Variants in SH3RF3 observed in about 807,000 individuals in gnomAD.
SH3RF3 encodes the protein SH3 domain containing ring finger 3.
In SH3RF3, 29 loss-of-function variants were observed where a neutral mutation model predicts 66.3. The ratio of observed to expected loss-of-function variants is 0.44; its 90% CI spans 0.33 to 0.60. The LOEUF (loss-of-function observed/expected upper bound fraction) is 0.60. Ranked by LOEUF, SH3RF3 falls within the 20% of genes least tolerant of loss-of-function variation. The probability of loss-of-function intolerance (pLI) is 0.04; values close to 1 mark genes in which losing one functional copy is unlikely to be tolerated. For synonymous variants in SH3RF3, 583 were observed against 532.0 expected (o/e 1.10, Z -1.32); for missense variants, 1,194 against 1,190.9 (o/e 1.00, Z -0.04).
chr2:109,441,835 A>T (rs964399914), intron 7 of SH3RF3, among the ~76,000 whole-genome samples: 3 of 152,226 alleles, frequency 2.0e-5, no homozygotes, highest in Admixed American at 6.5e-5. Context: ...ATAGAAAAAA[A>T]GATAAGGGTA....
chr2:109,224,888 A>G (rs777234334), intron 1 of SH3RF3, among the ~76,000 whole-genome samples: 1 of 152,198 alleles, frequency 6.6e-6, no homozygotes, highest in Non-Finnish European at 1.5e-5. Context: ...ATTCTAGTCA[A>G]TTAAAACTGA....
chr2:109,274,041 C>T (rs1169128331), intron 1 of SH3RF3, among the ~76,000 whole-genome samples: 1 of 152,162 alleles, frequency 6.6e-6, no homozygotes, highest in East Asian at 1.9e-4. Flanking sequence ...AATATTACCT[C>T]CTATGTGTGA....
rs140337952 is a variant in SH3RF3 at position 109,482,837 on chromosome 2, G to A, written c.2149-7768G>A. ...CGTCTTCCACCAAAAACAAGCTAGA[G>A]AAGCACAATAGCTCAGCACTTCACT... On this transcript the variant is annotated intron_variant, in intron 8 of 9. Transcript: ENST00000309415. Among the ~76,000 whole-genome samples the A allele has an allele frequency of 1.8e-3, 267 of 152,254 alleles. 2 individuals carry two copies. The highest frequency in any genetic ancestry group is 5.7e-3 in the African/African-American group (238 of 41,588).
chr2:109,413,128 T>A (rs1022973585), intron 4 of SH3RF3, among the ~76,000 whole-genome samples: 60 of 152,286 alleles, frequency 3.9e-4, no homozygotes, highest in Non-Finnish European at 1.3e-4. Context: ...ATATATATAT[T>A]TTTTGAGATA....
intron 1 of SH3RF3, among the ~76,000 whole-genome samples, chr2:109,273,604 G>T (rs983056848): frequency 2.6e-5 from 4 of 152,168 alleles, no homozygotes; most frequent in African/African-American, 9.7e-5. Context: ...GGTGGGACAG[G>T]CTTAGAGTCC....
chr2:109,409,843 C>T (rs908732999), intron 4 of SH3RF3, among the ~76,000 whole-genome samples: 9 of 152,054 alleles, frequency 5.9e-5, no homozygotes, highest in African/African-American at 2.2e-4. Context: ...GATTTACACC[C>T]CGTGTAATGG....
At chr2:109,247,898 TG>T (rs1478216553) in intron 1 of SH3RF3, among the ~76,000 whole-genome samples, 3 of 152,218 alleles carry the variant, frequency 2.0e-5, no homozygotes, top group Non-Finnish European at 4.4e-5. Flanking sequence ...CTTCATGTGG[TG>T]GACTGAAGGT....
At chr2:109,151,278 C>G (rs2104871249) in intron 1 of SH3RF3, among the ~76,000 whole-genome samples, 1 of 152,062 alleles carries the variant, frequency 6.6e-6, no homozygotes, top group East Asian at 1.9e-4. Flanking sequence ...ATGTTTGTGG[C>G]CATGGAAACA....
At chr2:109,392,750 T>C (rs1345027039) in intron 3 of SH3RF3, among the ~76,000 whole-genome samples, 1 of 151,824 alleles carries the variant, frequency 6.6e-6, no homozygotes, top group African/African-American at 2.4e-5. Flanking sequence ...CTCCTGACCT[T>C]GTGATCCGCC....
chr2:109,426,927 A>T (rs1677039745), intron 5 of SH3RF3, among the ~76,000 whole-genome samples: 1 of 152,084 alleles, frequency 6.6e-6, no homozygotes, highest in Non-Finnish European at 1.5e-5. Context: ...TAACTCCCTG[A>T]AGGCTCAGAT....
At chr2:109,433,981 G>T (rs745540472) in intron 6 of SH3RF3, among the ~76,000 whole-genome samples, 14 of 152,204 alleles carry the variant, frequency 9.2e-5, no homozygotes, top group Non-Finnish European at 2.1e-4. Flanking sequence ...GGGGTGACTT[G>T]CCCAGTGTGC....
intron 8 of SH3RF3, among the ~76,000 whole-genome samples, chr2:109,475,878 A>G (rs186260733): frequency 2.2e-4 from 34 of 152,068 alleles, no homozygotes; most frequent in African/African-American, 7.0e-4. Flanking sequence ...ACCTTAAGCA[A>G]CTCATTTCTC....
chr2:109,429,871 C>G (rs774096515), intron 5 of SH3RF3, among the ~76,000 whole-genome samples: 2 of 152,200 alleles, frequency 1.3e-5, no homozygotes, highest in Non-Finnish European at 1.5e-5. Flanking sequence ...CCAAGCTCCA[C>G]GCTGTGCAGG....
intron 4 of SH3RF3, among the ~76,000 whole-genome samples, chr2:109,404,431 G>A (rs1471628010): frequency 1.3e-5 from 2 of 152,198 alleles, no homozygotes; most frequent in African/African-American, 2.4e-5. Flanking sequence ...CTACAAGTTC[G>A]AGACTGGGAG....
rs573232669 is a variant in SH3RF3, at chr2:109,198,739, C to T, written c.573+68626C>T. 9.2e-5 allele frequency among the ~76,000 whole-genome samples: 14 copies of T among 152,262 alleles called. No homozygotes were observed. The East Asian group carries it at 2.7e-3, about 29-fold the overall frequency. On this transcript the variant is annotated intron_variant, in intron 1 of 9. Coordinates refer to ENST00000309415, the MANE Select transcript of SH3RF3 (RefSeq NM_001099289.3). ...TTCGTGAAGGTTCCACCCTCATGAC[C>T]TAATCACCTTCCCAAAGGCCTCACC... is the stretch of plus-strand genomic sequence containing the variant.
At chr2:109,331,866 G>A (rs1009869565) in intron 1 of SH3RF3, among the ~76,000 whole-genome samples, 6 of 152,124 alleles carry the variant, frequency 3.9e-5, no homozygotes, top group Non-Finnish European at 8.8e-5. Context: ...GGTCTCCCCT[G>A]AGGAGAGACC....
intron 1 of SH3RF3, among the ~76,000 whole-genome samples, chr2:109,238,249 G>T (rs1005651775): frequency 6.6e-6 from 1 of 151,988 alleles, no homozygotes; most frequent in Admixed American, 6.6e-5. Flanking sequence ...TAATTCAATA[G>T]AAAAGTGTTG....
At chr2:109,490,424 G>C (rs370056931) in intron 8 of SH3RF3, among the ~76,000 whole-genome samples, 181 bp from the exon 9 acceptor site, 244 of 152,296 alleles carry the variant, frequency 1.6e-3, no homozygotes, top group African/African-American at 5.7e-3. Context: ...CAGGGAACTG[G>C]TGCAAGAAAA....
intron 8 of SH3RF3, among the ~76,000 whole-genome samples, chr2:109,462,678 T>C (rs1011618714): frequency 6.6e-6 from 1 of 152,198 alleles, no homozygotes; most frequent in African/African-American, 2.4e-5. Flanking sequence ...ATAACAGCCC[T>C]CTCTCCACAG....
Sources: allele counts gnomAD v4.1 joint callset (sites outside exome capture counted in the v4.1 genomes callset), GRCh38; gene constraint gnomAD v4.1.1; transcripts MANE v1.5; gene names NCBI Gene and HGNC (gene_info 2026-07-23, HGNC 2026-07-21).